The following SYNDIG1 variants were observed in gnomAD, a reference collection of about 807,000 sequenced individuals.
The protein encoded by SYNDIG1 is synapse differentiation inducing 1, also known as synapse differentiation-inducing gene protein 1.
SYNDIG1 carries 9 observed loss-of-function variants against 19.4 expected under a neutral mutation model. The observed-to-expected ratio is 0.46, with a 90% CI of 0.28 to 0.81. The LOEUF (loss-of-function observed/expected upper bound fraction) is 0.81, where lower values mean the gene tolerates loss of function less well. Ranked by LOEUF, SYNDIG1 falls within the 30% of genes least tolerant of loss-of-function variation. The probability of loss-of-function intolerance (pLI) is 0.12; values close to 1 mark genes in which losing one functional copy is unlikely to be tolerated. For synonymous variants in SYNDIG1, 141 were observed against 145.9 expected (o/e 0.97, Z 0.24); for missense variants, 311 against 343.3 (o/e 0.91, Z 0.74).
intron 1 of SYNDIG1, among the ~76,000 whole-genome samples, chr20:24,528,324 G>T (rs2057170786): frequency 6.6e-6 from 1 of 152,174 alleles, no homozygotes; most frequent in Non-Finnish European, 1.5e-5. Flanking sequence ...CTGTGGGCCA[G>T]ATTTGTGATA....
At chr20:24,565,159 G>T (rs1319895322) in intron 2 of SYNDIG1, among the ~76,000 whole-genome samples, 1 of 152,160 alleles carries the variant, frequency 6.6e-6, no homozygotes, top group East Asian at 1.9e-4. Flanking sequence ...TATGTTAGGG[G>T]ACAAGTAATT....
chr20:24,494,163 G>A lies in SYNDIG1; in HGVS notation c.-79+24410G>A, dbSNP rs190608615. Reference sequence around the variant, plus strand: ...GGAAGAGGGCCGGGGGCGGGGCGGCGCGCATGGCCGAGGACTGGATCACTG... The same window carrying A: ...GGAAGAGGGCCGGGGGCGGGGCGGCACGCATGGCCGAGGACTGGATCACTG... On this transcript the variant is annotated intron_variant, in intron 1 of 3. Coordinates refer to ENST00000376862, the MANE Select transcript of SYNDIG1 (RefSeq NM_024893.3). Among the ~76,000 whole-genome samples, 5 of 152,188 alleles carry A rather than the reference G, an allele frequency of 3.3e-5. No individual in the cohort carries two copies. The South Asian group carries it at 6.2e-4, about 19-fold the overall frequency.
intron 3 of SYNDIG1, among the ~76,000 whole-genome samples, chr20:24,648,950 T>G (rs1230667831): frequency 6.6e-6 from 1 of 152,244 alleles, no homozygotes; most frequent in Non-Finnish European, 1.5e-5. Context: ...CCTTCATTCA[T>G]GTCATCCAGG....
chr20:24,609,774 A>C (rs1192165122), intron 3 of SYNDIG1, among the ~76,000 whole-genome samples: 3 of 152,048 alleles, frequency 2.0e-5, no homozygotes, highest in African/African-American at 7.2e-5. Flanking sequence ...GGCCACCTTA[A>C]CATTCATATC....
At chr20:24,634,419 T>C (rs1165153651) in intron 3 of SYNDIG1, among the ~76,000 whole-genome samples, 2 of 152,208 alleles carry the variant, frequency 1.3e-5, no homozygotes, top group Non-Finnish European at 2.9e-5. Context: ...TTCCACCAAG[T>C]CAAAGGTTAT....
intron 2 of SYNDIG1, among the ~76,000 whole-genome samples, chr20:24,580,692 A>T (rs1943213257): frequency 6.6e-6 from 1 of 152,156 alleles, no homozygotes; most frequent in South Asian, 2.1e-4. Flanking sequence ...AACAGGTGTG[A>T]ACAACCATGC....
At chr20:24,485,846 G>A (rs1351652662) in intron 1 of SYNDIG1, among the ~76,000 whole-genome samples, 2 of 152,136 alleles carry the variant, frequency 1.3e-5, no homozygotes, top group Non-Finnish European at 2.9e-5. Context: ...TTCCCTCCTG[G>A]CTCCCAGATG....
intron 1 of SYNDIG1, among the ~76,000 whole-genome samples, chr20:24,540,568 T>G (rs1235062483): frequency 6.6e-6 from 1 of 152,208 alleles, no homozygotes; most frequent in African/African-American, 2.4e-5. Context: ...GTTTCATGTT[T>G]TTATCATGAA....
intron 3 of SYNDIG1, among the ~76,000 whole-genome samples, chr20:24,620,935 A>C (rs749146845): frequency 3.3e-5 from 5 of 152,220 alleles, no homozygotes; most frequent in Non-Finnish European, 7.3e-5. Flanking sequence ...GTAAAAGGCA[A>C]TTTGACTGAG....
chr20:24,523,347 C>T (rs1489518918), intron 1 of SYNDIG1, among the ~76,000 whole-genome samples: 1 of 152,190 alleles, frequency 6.6e-6, no homozygotes, highest in Non-Finnish European at 1.5e-5. Context: ...TTAGGAGAAG[C>T]TGAACTCTTG....
chr20:24,479,192 G>C (rs150633486), intron 1 of SYNDIG1, among the ~76,000 whole-genome samples: 1 of 152,170 alleles, frequency 6.6e-6, no homozygotes, highest in Non-Finnish European at 1.5e-5. Flanking sequence ...AAATCAGAGG[G>C]TCTCTGTCTC....
At chr20:24,596,529 C>A (rs2058597685) in intron 3 of SYNDIG1, among the ~76,000 whole-genome samples, 1 of 152,122 alleles carries the variant, frequency 6.6e-6, no homozygotes, top group African/African-American at 2.4e-5. Context: ...CAGGCTCCCA[C>A]CATCATGCCT....
At position 24,577,721 on chromosome 20, in the gene SYNDIG1, C is replaced by T. The variant is rs543770413; in HGVS notation, c.481-7135C>T. 6.6e-5 allele frequency among the ~76,000 whole-genome samples: 10 copies of T among 152,356 alleles called. No individual in the cohort carries two copies. In the East Asian group the frequency reaches 1.9e-3, roughly 29 times the overall value. ...CTGTCCTTGGTCCTGTCCTCAGTTG[C>T]CCTGGAGCCACCATAAATAAGACAG... On this transcript the variant is annotated intron_variant, in intron 2 of 3. Transcript: ENST00000376862.
intron 2 of SYNDIG1, among the ~76,000 whole-genome samples, chr20:24,554,553 T>G (rs1270485643): frequency 6.6e-6 from 1 of 152,222 alleles, no homozygotes; most frequent in Non-Finnish European, 1.5e-5. Context: ...CTGCATCTAT[T>G]GAGATAATCA....
intron 2 of SYNDIG1, among the ~76,000 whole-genome samples, chr20:24,566,413 A>G (rs1056629877): frequency 6.6e-6 from 1 of 152,266 alleles, no homozygotes; most frequent in Admixed American, 6.5e-5. Context: ...GAAGAAATAA[A>G]TGAAACTATC....
chr20:24,579,386 C>T (rs1469568372), intron 2 of SYNDIG1, among the ~76,000 whole-genome samples: 5 of 152,168 alleles, frequency 3.3e-5, no homozygotes, highest in Non-Finnish European at 1.5e-5. Flanking sequence ...TTGGTTAAAT[C>T]CTTGTCTGGT....
At chr20:24,661,898 G>A (rs1049860570) in intron 3 of SYNDIG1, among the ~76,000 whole-genome samples, 2 of 152,160 alleles carry the variant, frequency 1.3e-5, no homozygotes, top group African/African-American at 2.4e-5. Context: ...TGGGCAGGGT[G>A]GGGGGTTCCA....
intron 1 of SYNDIG1, among the ~76,000 whole-genome samples, chr20:24,505,301 CAAGGAG>C (rs1278863154): frequency 8.5e-5 from 13 of 152,260 alleles, no homozygotes; most frequent in Non-Finnish European, 1.5e-5. Flanking sequence ...GAAATTCTCT[CAAGGAG>C]AAGGAAGATG....
At chr20:24,582,644 C>T in intron 2 of SYNDIG1, among the ~76,000 whole-genome samples, 1 of 152,062 alleles carries the variant, frequency 6.6e-6, no homozygotes, top group Admixed American at 6.6e-5. Context: ...CCTCACAACT[C>T]CCCCGTGAAT....
Sources: gnomAD v4.1 joint callset for allele counts (sites outside exome capture counted in the v4.1 genomes callset) on GRCh38, gnomAD v4.1.1 for gene constraint, MANE v1.5 for transcripts, NCBI Gene and HGNC (gene_info 2026-07-23, HGNC 2026-07-21) for gene names.